ARIH2: variants seen among roughly 807,000 people sequenced by gnomAD.
ARIH2 encodes ariadne RBR E3 ubiquitin protein ligase 2, also known as E3 ubiquitin-protein ligase ARIH2.
Under a neutral mutation model 79.8 loss-of-function variants are expected in ARIH2, and 12 were observed. The ratio of observed to expected loss-of-function variants is 0.15; its 90% confidence interval spans 0.10 to 0.24. The LOEUF (loss-of-function observed/expected upper bound fraction) is 0.24, where lower values mean the gene tolerates loss of function less well. Among genes scored for constraint, ARIH2 ranks in the 10% least tolerant of loss-of-function variants. The pLI, the probability that ARIH2 is intolerant of heterozygous loss-of-function variation, is 1.00. For missense variants in ARIH2, 301 were observed against 618.3 expected (o/e 0.49, Z 5.44); for synonymous variants, 224 against 213.9 (o/e 1.05, Z -0.41).
At chr3:48,981,858 G>A in intron 14 of ARIH2, 130 bp downstream of exon 14, 1 of 665,502 alleles carries the variant, frequency 1.5e-6, no homozygotes. Flanking sequence ...AACTCTAATT[G>A]CAAAATTCCA....
At chr3:48,934,580 A>T (rs1346483051) in intron 3 of ARIH2, 1 of 985,312 alleles carries the variant, frequency 1.0e-6, no homozygotes, top group African/African-American at 1.7e-5. Flanking sequence ...TCTAAGTAGA[A>T]CTTAGGTTAA....
rs1253503177 is a variant in ARIH2, at chr3:48,985,647, C to T, written c.*2377C>T. The T allele has an allele frequency of 1.3e-5, 2 of 152,212 alleles. No homozygotes were observed. The highest frequency in any genetic ancestry group is 2.1e-4 in the South Asian group (1 of 4,832). The allele number at this position is 152,212 out of a possible 1,614,324, so 9.4% of individuals were successfully genotyped here. A position where few individuals can be genotyped will look rare whatever the true frequency, so the allele number is the denominator to read the frequency against. On this transcript the variant is annotated 3_prime_UTR_variant, in exon 16 of 16. Transcript: ENST00000356401. ...CCTTCCTATCAGTCAGCCCCTTCTTCCAGAGGGCTGTGGAGGCCCCAGTGG... is the reference window on the plus strand; with the variant it reads ...CCTTCCTATCAGTCAGCCCCTTCTTTCAGAGGGCTGTGGAGGCCCCAGTGG...
intron 11 of ARIH2, among the ~76,000 whole-genome samples, chr3:48,977,266 A>AT (rs369621879): frequency 5.5e-4 from 84 of 152,108 alleles, no homozygotes; most frequent in African/African-American, 1.9e-3. Context: ...TACCACCTAT[A>AT]TGGGCAACCG....
chr3:48,964,299 G>T (rs1349501817), intron 4 of ARIH2, among the ~76,000 whole-genome samples: 1 of 148,544 alleles, frequency 6.7e-6, no homozygotes, highest in African/African-American at 2.5e-5. Context: ...GAGCCACTGC[G>T]CCCAGCCATA....
intron 3 of ARIH2, among the ~76,000 whole-genome samples, chr3:48,928,154 G>A (rs998799259): frequency 2.0e-5 from 3 of 152,200 alleles, no homozygotes; most frequent in East Asian, 1.9e-4. Context: ...GATACAATAA[G>A]CATCAGAATC....
chr3:48,968,425 T>A, intron 6 of ARIH2, 109 bp from the exon 7 acceptor site: 1 of 1,057,280 alleles, frequency 9.5e-7, no homozygotes, highest in East Asian at 3.1e-5. Context: ...GTCAGACTGG[T>A]CTCGAACTCC....
chr3:48,942,500 T>A (rs2088449547), intron 3 of ARIH2, among the ~76,000 whole-genome samples: 1 of 152,174 alleles, frequency 6.6e-6, no homozygotes, highest in East Asian at 1.9e-4. Flanking sequence ...GATCTCTTAT[T>A]TTCCTTTTCA....
intron 11 of ARIH2, among the ~76,000 whole-genome samples, chr3:48,979,054 C>A (rs2092659702): frequency 6.6e-6 from 1 of 152,000 alleles, no homozygotes; most frequent in Non-Finnish European, 1.5e-5. Context: ...ATACAAAAAT[C>A]TTTCTAGGAC....
In ARIH2 at chr3:48,986,071, T is replaced by C. The variant is rs2092895487; in HGVS notation, c.*2801T>C. 6.6e-6 allele frequency: 1 copy of C among 152,250 alleles called. No individual in the cohort carries two copies. Among genetic ancestry groups the C allele is most frequent in the African/African-American group, 2.4e-5 (1 of 41,440 alleles). The allele number at this position is 152,250 out of a possible 1,614,324, so 9.4% of individuals were successfully genotyped here. On this transcript the variant is annotated 3_prime_UTR_variant, in exon 16 of 16. Transcript: ENST00000356401. ...GGGTCCACATTTGTGGTGTCAGAAG[T>C]GGCAGTAGTGTCAGTGATAAGTAGC... is the stretch of plus-strand genomic sequence containing the variant.
At chr3:48,976,633 C>T (rs777948926) in intron 11 of ARIH2, among the ~76,000 whole-genome samples, 9 of 152,196 alleles carry the variant, frequency 5.9e-5, no homozygotes, top group Admixed American at 3.3e-4. Context: ...CACATTCTTT[C>T]GCTCTCTTTT....
chr3:48,964,318 AT>A (rs572736862), intron 4 of ARIH2, among the ~76,000 whole-genome samples: 405 of 136,546 alleles, frequency 3.0e-3, no homozygotes, highest in East Asian at 0.015. Context: ...TATATATAGA[AT>A]TTTTTTTTTT....
chr3:48,951,645 T>C (rs757650578), intron 3 of ARIH2, among the ~76,000 whole-genome samples: 14 of 152,178 alleles, frequency 9.2e-5, no homozygotes, highest in Non-Finnish European at 1.8e-4. Flanking sequence ...TTTTGTGTCA[T>C]TGTTGGTAAG....
intron 1 of ARIH2, among the ~76,000 whole-genome samples, chr3:48,922,185 C>T (rs1025625843): frequency 6.6e-6 from 1 of 152,046 alleles, no homozygotes; most frequent in African/African-American, 2.4e-5. Flanking sequence ...GATGGCAACA[C>T]TGCACTCCAA....
chr3:48,939,480 G>C (rs1344223170), intron 3 of ARIH2, among the ~76,000 whole-genome samples: 1 of 151,176 alleles, frequency 6.6e-6, no homozygotes, highest in Non-Finnish European at 1.5e-5. Context: ...ATAATTAGCT[G>C]GGCGCGGTGA....
At position 48,985,402 on chromosome 3, in the gene ARIH2, G is replaced by A. The variant is rs1225019851; in HGVS notation, c.*2132G>A. The A allele has an allele frequency of 6.6e-6, 1 of 152,202 alleles. No individual in the cohort carries two copies. The highest frequency in any genetic ancestry group is 1.5e-5 in the Non-Finnish European group (1 of 68,030). The allele number at this position is 152,202 out of a possible 1,614,324, so 9.4% of individuals were successfully genotyped here. A position where few individuals can be genotyped will look rare whatever the true frequency, so the allele number is the denominator to read the frequency against. ...GAATTTTTCTGCCCTACAAAGGGTG[G>A]AAGAGAAAGGACACAGTATTTTCAT... On this transcript the variant is annotated 3_prime_UTR_variant, in exon 16 of 16. Transcript: ENST00000356401.
At chr3:48,944,943 G>A in intron 3 of ARIH2, 1 of 395,118 alleles carries the variant, frequency 2.5e-6, no homozygotes, top group Non-Finnish European at 4.8e-6. Context: ...CCAGAAGCTG[G>A]CCCACAGTTC....
Position 48,973,807 on chromosome 3 carries a change from C to T in ARIH2, c.879C>T (p.His293=). ...AAACAGCCAACTACATTAGTGCTCA[C>T]ACTAAAGACGTAAGGACCGTATTTT... ...DSETANYISA[H]TKDCPKCNIC... Residue 293 remains histidine, a synonymous_variant, in exon 9 of 16, where the codon CAC becomes CAT. Transcript: ENST00000356401. The T allele has an allele frequency of 6.2e-7, 1 of 1,612,072 alleles. No individual in the cohort carries two copies. The highest frequency in any genetic ancestry group is 1.1e-5 in the South Asian group (1 of 91,032).
Position 48,970,651 on chromosome 3 carries a change from A to G in ARIH2, c.717A>G (p.Val239=), listed in dbSNP as rs2092167833. Residue 239 remains valine (V), a synonymous_variant, in exon 8 of 16, where the codon GTA becomes GTG. Transcript: ENST00000356401. Reference sequence around the variant, plus strand: ...CAGACTGCCCCATGGTTATTCGGGTACAGGAGCCTAGAGCTCGCCGAGTAC... The same window carrying G: ...CAGACTGCCCCATGGTTATTCGGGTGCAGGAGCCTAGAGCTCGCCGAGTAC... ...PGADCPMVIR[V]QEPRARRVQC... is the part of the protein sequence containing the mutation. The G allele has an allele frequency of 6.2e-7, 1 of 1,613,990 alleles. No homozygotes were observed. Among genetic ancestry groups the G allele is most frequent in the African/African-American group, 1.3e-5 (1 of 74,938 alleles).
chr3:48,953,603 G>A (rs1056542866), intron 3 of ARIH2, among the ~76,000 whole-genome samples: 21 of 151,494 alleles, frequency 1.4e-4, no homozygotes, highest in Non-Finnish European at 2.2e-4. Context: ...GGGTTTCACC[G>A]TGTCAGCCAG....
Sources: allele counts gnomAD v4.1 joint callset (sites outside exome capture counted in the v4.1 genomes callset), GRCh38; gene constraint gnomAD v4.1.1; transcripts MANE v1.5; gene names NCBI Gene and HGNC (gene_info 2026-07-23, HGNC 2026-07-21).